COL19A1: variants seen among roughly 807,000 people sequenced by gnomAD.
The protein encoded by COL19A1 is collagen type XIX alpha 1 chain.
Under a neutral mutation model 190.2 loss-of-function variants are expected in COL19A1, and 159 were observed. The ratio of observed to expected loss-of-function variants is 0.84; its 90% CI spans 0.73 to 0.95. COL19A1 has a LOEUF of 0.95. Ranked by LOEUF, COL19A1 falls within the 40% of genes least tolerant of loss-of-function variation. The probability of loss-of-function intolerance (pLI) is 0.00; values close to 1 mark genes in which losing one functional copy is unlikely to be tolerated. For synonymous variants in COL19A1, 509 were observed against 458.9 expected (o/e 1.11, Z -1.39); for missense variants, 1,418 against 1,431.9 (o/e 0.99, Z 0.16).
intron 1 of COL19A1, among the ~76,000 whole-genome samples, chr6:69,870,113 T>C (rs1258589776): frequency 6.6e-6 from 1 of 152,238 alleles, no homozygotes; most frequent in Non-Finnish European, 1.5e-5. Context: ...GTTAAGCCCA[T>C]ACCTGTCTAT....
rs1772510492 is a variant in COL19A1, at chr6:69,928,035, AAAGTACC to A, written c.390+5_390+11del. ...TAAACCAGCAGAATATTCCACAGGTAAAGTACCATTAGAGTTGTGCTCATTAGTTTTC... is the reference window on the plus strand; with the variant it reads ...TAAACCAGCAGAATATTCCACAGGTAATTAGAGTTGTGCTCATTAGTTTTC... On this transcript the variant is annotated splice_donor_5th_base_variant and intron_variant, in intron 5 of 50. Transcript: ENST00000620364. The A allele has an allele frequency of 6.2e-7, 1 of 1,612,496 alleles. No individual in the cohort carries two copies. Among genetic ancestry groups the A allele is most frequent in the Non-Finnish European group, 8.5e-7 (1 of 1,179,098 alleles).
chr6:70,067,255 C>A (rs912132279), intron 14 of COL19A1, among the ~76,000 whole-genome samples: 3 of 152,102 alleles, frequency 2.0e-5, no homozygotes, highest in African/African-American at 7.2e-5. Flanking sequence ...GAAGCTCTTA[C>A]AGATGAGCAA....
chr6:69,988,326 A>G (rs1405991943), intron 11 of COL19A1, among the ~76,000 whole-genome samples: 1 of 152,216 alleles, frequency 6.6e-6, no homozygotes, highest in African/African-American at 2.4e-5. Flanking sequence ...AAAGTAATAT[A>G]GGCCAAAAGA....
intron 24 of COL19A1, 101 bp downstream of exon 24, chr6:70,144,364 G>A: frequency 2.0e-6 from 2 of 1,014,896 alleles, no homozygotes; most frequent in South Asian, 1.5e-5. Flanking sequence ...TTCTGGGATT[G>A]TACAGATTGT....
At chr6:69,910,856 T>A (rs555123200) in intron 4 of COL19A1, among the ~76,000 whole-genome samples, 1 of 152,320 alleles carries the variant, frequency 6.6e-6, no homozygotes, top group South Asian at 2.1e-4. Context: ...ATCTTTAATC[T>A]TAATTTGGCT....
At chr6:70,154,275 A>G (rs996889618) in intron 31 of COL19A1, among the ~76,000 whole-genome samples, 1 of 152,148 alleles carries the variant, frequency 6.6e-6, no homozygotes, top group African/African-American at 2.4e-5. Flanking sequence ...ATGTCCCTGC[A>G]AAGGACATGA....
At chr6:70,137,469 T>C (rs755996250) in intron 18 of COL19A1, among the ~76,000 whole-genome samples, 3 of 152,204 alleles carry the variant, frequency 2.0e-5, no homozygotes, top group Admixed American at 6.6e-5. Flanking sequence ...TAATGAAATA[T>C]ATGGATTTCT....
intron 15 of COL19A1, among the ~76,000 whole-genome samples, chr6:70,069,851 TG>T (rs1162025621): frequency 2.6e-5 from 4 of 152,178 alleles, no homozygotes; most frequent in East Asian, 1.9e-4. Context: ...TTCTATTCTT[TG>T]GGGGCTTTTT....
At chr6:70,067,156 G>T (rs1012158721) in intron 14 of COL19A1, among the ~76,000 whole-genome samples, 11 of 152,152 alleles carry the variant, frequency 7.2e-5, no homozygotes, top group African/African-American at 2.7e-4. Context: ...TTGTCTCCAA[G>T]TGGTACATCA....
chr6:70,165,045 A>T (rs1359157350), intron 36 of COL19A1, among the ~76,000 whole-genome samples: 2 of 152,148 alleles, frequency 1.3e-5, no homozygotes, highest in African/African-American at 4.8e-5. Flanking sequence ...TGTGAGTAGA[A>T]ATTTTACTCT....
intron 4 of COL19A1, among the ~76,000 whole-genome samples, chr6:69,905,108 G>A (rs1218947386): frequency 2.0e-5 from 3 of 152,058 alleles, no homozygotes; most frequent in Admixed American, 1.3e-4. Context: ...GAGCCAACCC[G>A]GGAGCCTTCA....
intron 9 of COL19A1, among the ~76,000 whole-genome samples, chr6:69,940,323 A>C (rs935002462): frequency 1.3e-5 from 2 of 152,050 alleles, no homozygotes; most frequent in African/African-American, 4.8e-5. Context: ...AGCTCCTGCT[A>C]TTATAATAAA....
At chr6:70,180,732 GA>G (rs1257934740) in intron 44 of COL19A1, among the ~76,000 whole-genome samples, 1 of 152,190 alleles carries the variant, frequency 6.6e-6, no homozygotes, top group Non-Finnish European at 1.5e-5. Flanking sequence ...AAACAGTGTT[GA>G]AAATGGTGAG....
chr6:70,101,435 G>T (rs544669894), intron 15 of COL19A1, among the ~76,000 whole-genome samples: 1 of 152,114 alleles, frequency 6.6e-6, no homozygotes, highest in South Asian at 2.1e-4. Context: ...AACATCTTGC[G>T]ATTGGAATTT....
At chr6:69,995,567 A>G (rs1776858849) in intron 11 of COL19A1, among the ~76,000 whole-genome samples, 1 of 152,074 alleles carries the variant, frequency 6.6e-6, no homozygotes, top group South Asian at 2.1e-4. Flanking sequence ...TAAGTTAGCA[A>G]ATCAAAGCAA....
intron 11 of COL19A1, among the ~76,000 whole-genome samples, chr6:69,970,013 A>G (rs1775331256): frequency 6.6e-6 from 1 of 152,168 alleles, no homozygotes; most frequent in South Asian, 2.1e-4. Flanking sequence ...ACCATGTTCT[A>G]CTGGCCAAAG....
chr6:69,885,192 A>G (rs1582279491), intron 2 of COL19A1, among the ~76,000 whole-genome samples: 1 of 151,882 alleles, frequency 6.6e-6, no homozygotes, highest in South Asian at 2.1e-4. Flanking sequence ...ACCCCCCACC[A>G]CCTCTGTAAG....
intron 16 of COL19A1, among the ~76,000 whole-genome samples, chr6:70,114,340 A>G (rs1323805145): frequency 1.7e-4 from 26 of 152,312 alleles, no homozygotes; most frequent in African/African-American, 6.0e-4. Flanking sequence ...TAGGGGAAAG[A>G]GTTAAAAGAT....
chr6:70,024,160 G>C (rs1343454868), intron 12 of COL19A1, among the ~76,000 whole-genome samples: 1 of 152,102 alleles, frequency 6.6e-6, no homozygotes, highest in Non-Finnish European at 1.5e-5. Flanking sequence ...GGATAACATT[G>C]CCTGTGATAT....
Sources: gnomAD v4.1 joint callset for allele counts (sites outside exome capture counted in the v4.1 genomes callset) on GRCh38, gnomAD v4.1.1 for gene constraint, MANE v1.5 for transcripts, NCBI Gene and HGNC (gene_info 2026-07-23, HGNC 2026-07-21) for gene names.